ATP2A3: variants seen among roughly 807,000 people sequenced by gnomAD.
ATP2A3 encodes the protein sarcoplasmic/endoplasmic reticulum calcium ATPase 3.
Under a neutral mutation model 106.8 loss-of-function variants are expected in ATP2A3, and 61 were observed. The observed-to-expected ratio is 0.57, with a 90% confidence interval of 0.46 to 0.71. The LOEUF is 0.71. Among genes scored for constraint, ATP2A3 ranks in the 30% least tolerant of loss-of-function variants. The pLI is 0.00. For synonymous variants in ATP2A3, 611 were observed against 609.3 expected, an observed-to-expected ratio of 1.00 and a Z score of -0.04; for missense variants, 1,201 against 1,423.5, an observed-to-expected ratio of 0.84 and a Z score of 2.52.
intron 7 of ATP2A3, 35 bp downstream of exon 7, chr17:3,950,476 A>G: frequency 1.3e-6 from 2 of 1,599,352 alleles, no homozygotes; most frequent in Non-Finnish European, 1.7e-6. Flanking sequence ...TATTTTTATC[A>G]TTGTCTGGGC....
chr17:3,936,265 A>G lies in ATP2A3; in HGVS notation c.2524+2T>C. 6.2e-7 allele frequency: 1 copy of G among 1,612,568 alleles called. No homozygotes were observed. Among genetic ancestry groups the G allele is most frequent in the Non-Finnish European group, 8.5e-7 (1 of 1,179,794 alleles). ...TCCACGGAGGGCTCAGGCCCCACTC[A>G]CCTCCGATAGCCAGGTATCGGAAGA... On this transcript the variant is annotated splice_donor_variant, in intron 16 of 20. Coordinates refer to ENST00000397041, the MANE Select transcript of ATP2A3 (RefSeq NM_005173.4). LOFTEE classifies it high-confidence loss of function. This position sits in a 1 kb window ranked among gnomAD's most constrained non-coding sequence, Gnocchi z 5.4.
intron 8 of ATP2A3, among the ~76,000 whole-genome samples, chr17:3,946,420 G>A (rs2054122445): frequency 6.6e-6 from 1 of 152,042 alleles, no homozygotes; most frequent in South Asian, 2.1e-4. Context: ...GTGTGGTGGT[G>A]CATGCCTGTC....
In ATP2A3 at chr17:3,928,667, C is replaced by A; in HGVS notation, c.2976G>T (p.Met992Ile). The A allele has an allele frequency of 6.4e-7, 1 of 1,550,572 alleles. No individual in the cohort carries two copies. The highest frequency in any genetic ancestry group is 8.7e-7 in the Non-Finnish European group (1 of 1,146,610). ...EALKYLSRNHMHEEMSQK is the reference protein window; with the variant it reads ...EALKYLSRNHIHEEMSQK Reference sequence around the variant, plus strand: ...GGGACGGGGCCTCCCACTCACCGTGCATGTGGTTCCGGGACAGGTACTTGA... The same window carrying A: ...GGGACGGGGCCTCCCACTCACCGTGAATGTGGTTCCGGGACAGGTACTTGA... Residue 992 changes from methionine to isoleucine, a missense_variant, in exon 20 of 21, where the codon ATG becomes ATT. Physicochemically the swap from Met to Ile is conservative, Grantham distance 10. Coordinates refer to ENST00000397041, the MANE Select transcript of ATP2A3 (RefSeq NM_005173.4). The surrounding 1 kb of genome is among the most constrained non-coding windows in gnomAD (Gnocchi z 6.1).
Position 3,926,807 on chromosome 17 carries a change from G to C in ATP2A3, c.2981-1366C>G. ...CTGGTCTCTAACTCCTGACTCAGGT[G>C]ATCTGCCCACCTCGGCCTCCCAAAG... On this transcript the variant is annotated intron_variant, in intron 20 of 20. Transcript: ENST00000397041. The surrounding 1 kb of genome is among the most constrained non-coding windows in gnomAD (Gnocchi z 4.6). The C allele has an allele frequency of 4.2e-6, 4 of 961,294 alleles. No homozygotes were observed. Among genetic ancestry groups the C allele is most frequent in the Non-Finnish European group, 5.0e-6 (4 of 807,898 alleles). The allele number at this position is 961,294 out of a possible 1,614,324, so 59.5% of individuals were successfully genotyped here.
Position 3,950,608 on chromosome 17 carries a change from A to G in ATP2A3, c.545-12T>C. ...GGACACAGATTCACCTGGTCAGGGA[A>G]TCAGAGATGAGAAGCCCCACATGAA... is the stretch of plus-strand genomic sequence containing the variant. On this transcript the variant is annotated splice_polypyrimidine_tract_variant and intron_variant, in intron 6 of 20. Coordinates refer to ENST00000397041, the MANE Select transcript of ATP2A3 (RefSeq NM_005173.4). 1 of 1,614,088 alleles carries G rather than the reference A, an allele frequency of 6.2e-7. No homozygotes were observed. Among genetic ancestry groups the G allele is most frequent in the Non-Finnish European group, 8.5e-7 (1 of 1,179,962 alleles).
rs1209996425 is a variant in ATP2A3, at chr17:3,955,904, T to G, written c.119-2194A>C. 2.0e-5 allele frequency among the ~76,000 whole-genome samples: 3 copies of G among 151,108 alleles called. No individual in the cohort carries two copies. Among genetic ancestry groups the G allele is most frequent in the Non-Finnish European group, 4.4e-5 (3 of 67,728 alleles). ...TTTATTTTATTTTTTTTTTTTGAGA[T>G]GGAGTCTTGCTCTCTCGCCCAGGCT... On this transcript the variant is annotated intron_variant, in intron 1 of 20. Coordinates refer to ENST00000397041, the MANE Select transcript of ATP2A3 (RefSeq NM_005173.4). The surrounding 1 kb of genome is among the most constrained non-coding windows in gnomAD (Gnocchi z 4.2).
intron 1 of ATP2A3, among the ~76,000 whole-genome samples, chr17:3,954,705 C>T (rs1299033796): frequency 6.6e-6 from 1 of 152,004 alleles, no homozygotes; most frequent in Non-Finnish European, 1.5e-5. Context: ...CTATGTTGGC[C>T]AGGGTGGTCT....
chr17:3,953,682 G>A lies in ATP2A3; in HGVS notation c.136+11C>T. ...CCGCGGCCTAGAGGTCCATCCCGGTGCCAGCCTCACCTTCCTCACTCGGGA... is the reference window on the plus strand; with the variant it reads ...CCGCGGCCTAGAGGTCCATCCCGGTACCAGCCTCACCTTCCTCACTCGGGA... On this transcript the variant is annotated intron_variant, in intron 2 of 20. Coordinates refer to ENST00000397041, the MANE Select transcript of ATP2A3 (RefSeq NM_005173.4). This position sits in a 1 kb window ranked among gnomAD's most constrained non-coding sequence, Gnocchi z 5.1. 6.4e-7 allele frequency: 1 copy of A among 1,563,672 alleles called. No individual in the cohort carries two copies. The highest frequency in any genetic ancestry group is 8.7e-7 in the Non-Finnish European group (1 of 1,153,834).
intron 1 of ATP2A3, among the ~76,000 whole-genome samples, chr17:3,956,462 C>T (rs1346710934): frequency 6.6e-6 from 1 of 152,190 alleles, no homozygotes; most frequent in Non-Finnish European, 1.5e-5. Flanking sequence ...CAGAAGTATC[C>T]TCCGTCTGTG....
rs1286501904 is a variant in ATP2A3, at chr17:3,964,306, C to T, written c.-15G>A. 3.3e-6 allele frequency: 4 copies of T among 1,227,110 alleles called. No individual in the cohort carries two copies. In the East Asian group the frequency reaches 1.4e-4, roughly 43 times the overall value. 76.0% of individuals were successfully genotyped at this position (1,227,110 alleles called of 1,614,324 possible). A position where few individuals can be genotyped will look rare whatever the true frequency, so the allele number is the denominator to read the frequency against. On this transcript the variant is annotated 5_prime_UTR_variant, in exon 1 of 21. Coordinates refer to ENST00000397041, the MANE Select transcript of ATP2A3 (RefSeq NM_005173.4). ...GCCGCCTCCATGCCGCCCGCCCGGCCGTCTGCGCCGTCCGCACCGTCGAGG... is the reference window on the plus strand; with the variant it reads ...GCCGCCTCCATGCCGCCCGCCCGGCTGTCTGCGCCGTCCGCACCGTCGAGG...
Position 3,941,659 on chromosome 17 carries a change from G to A in ATP2A3, c.1546-5C>T, listed in dbSNP as rs367924459. The A allele has an allele frequency of 1.8e-4, 290 of 1,604,294 alleles. 1 individual carries two copies. Among genetic ancestry groups the A allele is most frequent in the African/African-American group, 1.5e-3 (115 of 75,044 alleles). On this transcript the variant is annotated splice_polypyrimidine_tract_variant and splice_region_variant and intron_variant, in intron 12 of 20. Transcript: ENST00000397041. ...GATCACACTCTCAGGAGCCCCCTGC[G>A]AGGTGGGGAGAGGGAGAAGAGGTAA... is the stretch of plus-strand genomic sequence containing the variant.
Position 3,928,807 on chromosome 17 carries a change from G to C in ATP2A3, c.2863-27C>G, listed in dbSNP as rs1259340659. 1 of 1,527,020 alleles carries C rather than the reference G, an allele frequency of 6.5e-7. No homozygotes were observed. Among genetic ancestry groups the C allele is most frequent in the South Asian group, 1.2e-5 (1 of 83,646 alleles). 94.6% of individuals were successfully genotyped at this position (1,527,020 alleles called of 1,614,324 possible). ...TGGCGGGGAGGGGAAGGGAGGTTTG[G>C]TTAAAGGAAGGACTGGCTGTCCCGT... On this transcript the variant is annotated intron_variant, in intron 19 of 20. Coordinates refer to ENST00000397041, the MANE Select transcript of ATP2A3 (RefSeq NM_005173.4). The surrounding 1 kb of genome is among the most constrained non-coding windows in gnomAD (Gnocchi z 6.1).
rs2053012365 is a variant in ATP2A3 at position 3,930,521 on chromosome 17, G to A, written c.2611-87C>T. 1 of 1,473,814 alleles carries A rather than the reference G, an allele frequency of 6.8e-7. No homozygotes were observed. The highest frequency in any genetic ancestry group is 1.1e-5 in the South Asian group (1 of 87,896). 91.3% of individuals were successfully genotyped at this position (1,473,814 alleles called of 1,614,324 possible). A position where few individuals can be genotyped will look rare whatever the true frequency, so the allele number is the denominator to read the frequency against. ...GGAGGGAAGCCTCATCCTGCCCTTG[G>A]CCCACGCCTGGGCACAACCAGCACA... On this transcript the variant is annotated intron_variant, in intron 17 of 20. Transcript: ENST00000397041. The surrounding 1 kb of genome is among the most constrained non-coding windows in gnomAD (Gnocchi z 5.4).
chr17:3,958,047 G>A (rs1402460993), intron 1 of ATP2A3, among the ~76,000 whole-genome samples: 1 of 152,232 alleles, frequency 6.6e-6, no homozygotes, highest in African/African-American at 2.4e-5. Flanking sequence ...TGGGAAAAGA[G>A]GGAGGTGATC....
intron 14 of ATP2A3, among the ~76,000 whole-genome samples, chr17:3,939,794 A>T (rs1052624114): frequency 1.1e-4 from 16 of 149,334 alleles, no homozygotes; most frequent in African/African-American, 3.7e-4. Context: ...TCTAAAAAAA[A>T]AAAAAAAAAA....
In ATP2A3 at chr17:3,940,199, G is replaced by A. The variant is rs80192132; in HGVS notation, c.2100+772C>T. Reference sequence around the variant, plus strand: ...ATAAGGCTGTGAGTTACACAGGTGTGTGCATGTTCCTAAACTCATCAGATA... The same window carrying A: ...ATAAGGCTGTGAGTTACACAGGTGTATGCATGTTCCTAAACTCATCAGATA... On this transcript the variant is annotated intron_variant, in intron 14 of 20. Coordinates refer to ENST00000397041, the MANE Select transcript of ATP2A3 (RefSeq NM_005173.4). Among the ~76,000 whole-genome samples the A allele has an allele frequency of 4.5e-3, 683 of 152,048 alleles. 5 individuals carry two copies. Among genetic ancestry groups the A allele is most frequent in the African/African-American group, 0.016 (646 of 41,444 alleles).
At chr17:3,956,162 G>A (rs1426958552) in intron 1 of ATP2A3, among the ~76,000 whole-genome samples, 1 of 152,160 alleles carries the variant, frequency 6.6e-6, no homozygotes, top group Non-Finnish European at 1.5e-5. Flanking sequence ...GATTAGAAGT[G>A]TGAGCCACCG....
In ATP2A3 at chr17:3,928,015, C is replaced by T. The variant is rs752172778; in HGVS notation, c.2980+648G>A. The T allele has an allele frequency of 2.1e-5, 34 of 1,613,960 alleles. No individual in the cohort carries two copies. The highest frequency in any genetic ancestry group is 2.5e-5 in the Non-Finnish European group (29 of 1,180,036). ...CTCCCTCTCTGAGCAGCTCTGACAG[C>T]GAGACGATGCTGTGTCCCTGGCCCT... On this transcript the variant is annotated intron_variant, in intron 20 of 20. Transcript: ENST00000397041. This position sits in a 1 kb window ranked among gnomAD's most constrained non-coding sequence, Gnocchi z 6.1.
intron 12 of ATP2A3, 84 bp downstream of exon 12, chr17:3,942,522 G>A: frequency 6.4e-7 from 1 of 1,558,286 alleles, no homozygotes; most frequent in Admixed American, 1.7e-5. Flanking sequence ...CATTCACACG[G>A]GAGGACTGGG....
Sources: allele counts gnomAD v4.1 joint callset (sites outside exome capture counted in the v4.1 genomes callset), GRCh38; gene constraint gnomAD v4.1.1; non-coding constraint Gnocchi (gnomAD v3.1); transcripts MANE v1.5; gene names NCBI Gene and HGNC (gene_info 2026-07-23, HGNC 2026-07-21).